Variants in SOX5 observed in about 807,000 individuals in gnomAD.
SOX5 encodes transcription factor SOX-5.
In SOX5, 9 loss-of-function variants were observed where a neutral mutation model predicts 92.0. The ratio of observed to expected loss-of-function variants is 0.10; its 90% CI spans 0.06 to 0.17. The LOEUF is 0.17. SOX5 is among the 10% of genes least tolerant of loss of function. The pLI, the probability that SOX5 is intolerant of heterozygous loss-of-function variation, is 1.00. For missense variants in SOX5, 642 were observed against 944.5 expected (o/e 0.68, Z 4.20); for synonymous variants, 344 against 336.3 (o/e 1.02, Z -0.25).
intron 2 of SOX5, among the ~76,000 whole-genome samples, chr12:23,890,359 A>G (rs1399246575): frequency 2.0e-5 from 3 of 152,102 alleles, no homozygotes; most frequent in African/African-American, 4.8e-5. Context: ...CTCAACACAC[A>G]AGTATTTTAA....
At chr12:23,879,722 T>C (rs1330031195) in intron 2 of SOX5, among the ~76,000 whole-genome samples, 4 of 152,166 alleles carry the variant, frequency 2.6e-5, no homozygotes, top group Admixed American at 2.6e-4. Flanking sequence ...AAAAAATACA[T>C]TGCACTTGTT....
intron 3 of SOX5, among the ~76,000 whole-genome samples, chr12:23,792,114 G>A (rs2095484421): frequency 6.6e-6 from 1 of 151,796 alleles, no homozygotes; most frequent in Non-Finnish European, 1.5e-5. Context: ...TTATTTGCAG[G>A]TGTCAAACGT....
At chr12:23,635,224 T>C (rs2079067309) in intron 8 of SOX5, among the ~76,000 whole-genome samples, 1 of 152,090 alleles carries the variant, frequency 6.6e-6, no homozygotes, top group Admixed American at 6.6e-5. Flanking sequence ...TGGTGAGTAA[T>C]GGGGTTATTT....
At chr12:24,286,345 T>C (rs1392554590) in intron 2 of SOX5, among the ~76,000 whole-genome samples, 1 of 152,078 alleles carries the variant, frequency 6.6e-6, no homozygotes, top group Non-Finnish European at 1.5e-5. Context: ...ACCCAGAGCA[T>C]AGTGTGCATG....
intron 10 of SOX5, 85 bp downstream of exon 10, chr12:23,575,576 A>G (rs1408462466): frequency 1.6e-6 from 2 of 1,272,270 alleles, no homozygotes; most frequent in African/African-American, 1.5e-5. Context: ...CCGTGTATAG[A>G]GTGGGTGTGA....
intron 1 of SOX5, among the ~76,000 whole-genome samples, chr12:23,899,563 T>C (rs1274876634): frequency 6.6e-6 from 1 of 152,224 alleles, no homozygotes; most frequent in Non-Finnish European, 1.5e-5. Context: ...TTATCACTTC[T>C]GTGGTGCTAG....
chr12:24,186,155 A>C (rs1955993862), intron 4 of SOX5, among the ~76,000 whole-genome samples: 1 of 152,154 alleles, frequency 6.6e-6, no homozygotes, highest in South Asian at 2.1e-4. Flanking sequence ...CAAAAATAAA[A>C]GGCATTATCA....
chr12:24,449,487 G>A (rs1396197), intron 1 of SOX5, among the ~76,000 whole-genome samples: 45,858 of 152,012 alleles, frequency 0.3, 7,183 homozygotes, highest in Middle Eastern at 0.37. Context: ...ACATCAGCCT[G>A]TTTTAACTCT....
chr12:24,455,964 G>A (rs1942973870), intron 1 of SOX5, among the ~76,000 whole-genome samples: 1 of 152,182 alleles, frequency 6.6e-6, no homozygotes, highest in Non-Finnish European at 1.5e-5. Flanking sequence ...CCATGGATTA[G>A]CTGAGCTCTG....
chr12:23,734,717 T>G lies in SOX5; in HGVS notation c.777A>C (p.Gln259His), dbSNP rs770419151. 18 of 1,613,180 alleles carry G rather than the reference T, an allele frequency of 1.1e-5. No homozygotes were observed. The highest frequency in any genetic ancestry group is 1.5e-5 in the Non-Finnish European group (18 of 1,179,520). Reference protein sequence around the residue: ...ARQQQQLLQQQHKINLLQQQI... With the variant: ...ARQQQQLLQQHHKINLLQQQI... ...GTTGCTGGAGCAAATTGATTTTGTG[T>G]TGTTGCTGTAGAAGCTGCTGCTGCT... The change falls in exon 6 of 15, where the codon CAA becomes CAC. Residue 259 changes from glutamine (Q) to histidine (H), a missense_variant. By Grantham distance (24) the Gln-to-His change is conservative. Around this residue, in one of 8 missense-constraint regions of SOX5, gnomAD observed 324 missense variants for 461.6 expected, o/e 0.70. Coordinates refer to ENST00000451604, the MANE Select transcript of SOX5 (RefSeq NM_006940.6).
intron 2 of SOX5, among the ~76,000 whole-genome samples, chr12:23,846,891 A>T (rs564133322): frequency 6.6e-6 from 1 of 152,208 alleles, no homozygotes; most frequent in East Asian, 1.9e-4. Flanking sequence ...TTTAATCCTC[A>T]TTTGCCCTAT....
At chr12:24,171,236 T>G (rs112266989) in intron 4 of SOX5, among the ~76,000 whole-genome samples, 14,345 of 130,314 alleles carry the variant, frequency 0.11, 2,001 homozygotes, top group East Asian at 0.4. Flanking sequence ...TTTGTTTTTT[T>G]TTTTGGAGAC....
intron 2 of SOX5, among the ~76,000 whole-genome samples, chr12:24,353,187 C>T (rs2141185442): frequency 6.6e-6 from 1 of 152,288 alleles, no homozygotes; most frequent in African/African-American, 2.4e-5. Context: ...CCCTTATTGC[C>T]AGGACGCTGT....
chr12:23,769,263 G>GA (rs1333225977), intron 3 of SOX5, among the ~76,000 whole-genome samples: 1 of 151,758 alleles, frequency 6.6e-6, no homozygotes, highest in African/African-American at 2.4e-5. Context: ...GAGCTTAATT[G>GA]AATCTCTTGT....
rs1938884038 is a variant in SOX5 at position 23,530,829 on chromosome 12, G to GCA, written c.*3389_*3390insTG. The GCA allele has an allele frequency of 1.3e-5, 2 of 150,832 alleles. No individual in the cohort carries two copies. Among genetic ancestry groups the GCA allele is most frequent in the Non-Finnish European group, 2.9e-5 (2 of 67,914 alleles). The allele number at this position is 150,832 out of a possible 1,614,324, so 9.3% of individuals were successfully genotyped here. A position where few individuals can be genotyped will look rare whatever the true frequency, so the allele number is the denominator to read the frequency against. The stretch of plus-strand genomic sequence containing the variant: ...TGTGTGTGTGTGTGTGCGCGCGCGC[G>GCA]CGCGCGCATGTGAGAGAGAGAGAGA... On this transcript the variant is annotated 3_prime_UTR_variant, in exon 15 of 15. Coordinates refer to ENST00000451604, the MANE Select transcript of SOX5 (RefSeq NM_006940.6).
chr12:24,461,175 A>G (rs529803233), intron 1 of SOX5, among the ~76,000 whole-genome samples: 1 of 152,318 alleles, frequency 6.6e-6, no homozygotes, highest in Admixed American at 6.5e-5. Flanking sequence ...ATTGATACAT[A>G]CTGAATTTGT....
chr12:23,903,423 A>G (rs775728447), intron 1 of SOX5, among the ~76,000 whole-genome samples: 43 of 152,278 alleles, frequency 2.8e-4, no homozygotes, highest in Non-Finnish European at 5.4e-4. Context: ...TTTCTATAAA[A>G]AAATTTCAAA....
chr12:23,962,230 G>T (rs1375046650), intron 4 of SOX5, among the ~76,000 whole-genome samples: 1 of 151,642 alleles, frequency 6.6e-6, no homozygotes, highest in African/African-American at 2.4e-5. Context: ...CAACAAAAAA[G>T]ACCTACTTGA....
intron 6 of SOX5, among the ~76,000 whole-genome samples, chr12:23,680,325 C>CAAAAAAAAA (rs57754255): frequency 8.3e-5 from 4 of 48,374 alleles, no homozygotes; most frequent in Non-Finnish European, 1.6e-4. Flanking sequence ...GACCTTGTCT[C>CAAAAAAAAA]AAAAAAAAAA....
Sources: gnomAD v4.1 joint callset for allele counts (sites outside exome capture counted in the v4.1 genomes callset) on GRCh38, gnomAD v4.1.1 for gene constraint, gnomAD v4.1.1 regional missense constraint, MANE v1.5 for transcripts, NCBI Gene and HGNC (gene_info 2026-07-23, HGNC 2026-07-21) for gene names.